CLYBL: variants seen among roughly 807,000 people sequenced by gnomAD.
The protein encoded by CLYBL is citramalyl-CoA lyase, mitochondrial.
Under a neutral mutation model 38.9 loss-of-function variants are expected in CLYBL, and 31 were observed. That is an observed-to-expected ratio of 0.80 (90% CI 0.60 to 1.08). The LOEUF (loss-of-function observed/expected upper bound fraction) is 1.08, where lower values mean the gene tolerates loss of function less well. Ranked by LOEUF, CLYBL falls within the 50% of genes least tolerant of loss-of-function variation. The probability of loss-of-function intolerance (pLI) is 0.00; values close to 1 mark genes in which losing one functional copy is unlikely to be tolerated. For synonymous variants in CLYBL, 171 were observed against 158.6 expected (o/e 1.08, Z -0.59); for missense variants, 434 against 411.6 (o/e 1.05, Z -0.47).
intron 1 of CLYBL, among the ~76,000 whole-genome samples, chr13:99,675,124 G>C (rs2047624677): frequency 6.6e-6 from 1 of 152,166 alleles, no homozygotes; most frequent in Non-Finnish European, 1.5e-5. Flanking sequence ...AGCAGATTTG[G>C]TAGAAGCATG....
chr13:99,817,632 GCAA>G (rs1330472714), intron 2 of CLYBL, among the ~76,000 whole-genome samples: 1 of 141,386 alleles, frequency 7.1e-6, no homozygotes, highest in African/African-American at 2.6e-5. Context: ...TCCAGCCTGG[GCAA>G]CAGAGCGAGA....
intron 7 of CLYBL, among the ~76,000 whole-genome samples, chr13:99,878,951 G>T (rs931927248): frequency 6.6e-6 from 1 of 152,120 alleles, no homozygotes; most frequent in Admixed American, 6.5e-5. Context: ...TGGTCTCTCG[G>T]ATCAGCGTTT....
In CLYBL at chr13:99,612,579, G is replaced by A. The variant is rs139075345; in HGVS notation, c.62+5822G>A. Among the ~76,000 whole-genome samples the A allele has an allele frequency of 5.6e-3, 844 of 151,694 alleles. 6 individuals carry two copies. The highest frequency in any genetic ancestry group is 0.019 in the African/African-American group (782 of 41,388). On this transcript the variant is annotated intron_variant, in intron 1 of 8. Coordinates refer to ENST00000339105, the MANE Select transcript of CLYBL (RefSeq NM_206808.5). ...ATTTTTGTATTTTTTGGAGAGACGG[G>A]GTTTCGCCATGTTGCCCAGGCTTGT...
intron 1 of CLYBL, among the ~76,000 whole-genome samples, chr13:99,746,481 A>G (rs1320565667): frequency 6.6e-6 from 1 of 151,926 alleles, no homozygotes; most frequent in African/African-American, 2.4e-5. Context: ...TGGCTATTTC[A>G]ATACATTAGC....
chr13:99,616,835 A>G (rs1167848321), intron 1 of CLYBL, among the ~76,000 whole-genome samples: 1 of 152,140 alleles, frequency 6.6e-6, no homozygotes, highest in African/African-American at 2.4e-5. Context: ...GCATGCCTGT[A>G]GTCCCAGCTA....
chr13:99,624,853 T>A (rs948448921), intron 1 of CLYBL, among the ~76,000 whole-genome samples: 2 of 152,134 alleles, frequency 1.3e-5, no homozygotes, highest in Non-Finnish European at 2.9e-5. Context: ...TTTAAGAAAA[T>A]CATGGTCTTC....
intron 1 of CLYBL, among the ~76,000 whole-genome samples, chr13:99,684,488 G>T (rs1430996181): frequency 6.6e-6 from 1 of 152,132 alleles, no homozygotes; most frequent in African/African-American, 2.4e-5. Flanking sequence ...AAATAGAAAA[G>T]CTGGATTCCG....
At chr13:99,791,505 C>T (rs1017953409) in intron 2 of CLYBL, among the ~76,000 whole-genome samples, 9 of 152,072 alleles carry the variant, frequency 5.9e-5, no homozygotes, top group Non-Finnish European at 1.0e-4. Context: ...ACTTTAGAGC[C>T]GTATTGCTTG....
At chr13:99,786,300 G>C (rs1051340975) in intron 2 of CLYBL, among the ~76,000 whole-genome samples, 4 of 149,968 alleles carry the variant, frequency 2.7e-5, no homozygotes, top group African/African-American at 9.8e-5. Flanking sequence ...TTGGTGTGCT[G>C]CACCCATTAA....
intron 1 of CLYBL, among the ~76,000 whole-genome samples, chr13:99,680,991 A>C (rs569923247): frequency 6.6e-6 from 1 of 152,254 alleles, no homozygotes; most frequent in Non-Finnish European, 1.5e-5. Context: ...TGTCCTATAA[A>C]TTAAAATTTT....
At chr13:99,720,197 G>A (rs1460448254) in intron 1 of CLYBL, among the ~76,000 whole-genome samples, 2 of 150,438 alleles carry the variant, frequency 1.3e-5, no homozygotes, top group African/African-American at 4.9e-5. Context: ...TTTTTCTTTT[G>A]GTGATTACAT....
chr13:99,666,739 G>A (rs1461886084), intron 1 of CLYBL, among the ~76,000 whole-genome samples: 1 of 152,152 alleles, frequency 6.6e-6, no homozygotes, highest in Non-Finnish European at 1.5e-5. Flanking sequence ...TGTAGCAGGT[G>A]TCAAAATATG....
intron 2 of CLYBL, among the ~76,000 whole-genome samples, chr13:99,856,086 T>C (rs1049331718): frequency 1.4e-4 from 21 of 152,222 alleles, no homozygotes; most frequent in Admixed American, 1.3e-3. Flanking sequence ...ATGCCTAAAA[T>C]TGGAAGTAGG....
intron 2 of CLYBL, among the ~76,000 whole-genome samples, chr13:99,803,548 C>A (rs1434742940): frequency 6.6e-6 from 1 of 152,226 alleles, no homozygotes; most frequent in Non-Finnish European, 1.5e-5. Flanking sequence ...GGATTTGATT[C>A]TTCTTAGCAG....
At chr13:99,875,383 T>G (rs2052011684) in intron 7 of CLYBL, among the ~76,000 whole-genome samples, 1 of 152,226 alleles carries the variant, frequency 6.6e-6, no homozygotes, top group Admixed American at 6.5e-5. Flanking sequence ...AGTCTCTTCA[T>G]CTAGAAACTT....
Position 99,776,409 on chromosome 13 carries a change from T to C in CLYBL, c.249+3399T>C, listed in dbSNP as rs186729216. Among the ~76,000 whole-genome samples, 556 of 150,672 alleles carry C rather than the reference T, an allele frequency of 3.7e-3. 3 individuals carry two copies. The highest frequency in any genetic ancestry group is 0.013 in the African/African-American group (529 of 41,032). On this transcript the variant is annotated intron_variant, in intron 2 of 8. Coordinates refer to ENST00000339105, the MANE Select transcript of CLYBL (RefSeq NM_206808.5). ...TACTCGGGAATCTGAGGCACGAGAATCACTTGAACCTGGGAGGCAGAGGTT... is the reference window on the plus strand; with the variant it reads ...TACTCGGGAATCTGAGGCACGAGAACCACTTGAACCTGGGAGGCAGAGGTT...
At chr13:99,612,666 A>G (rs1019500717) in intron 1 of CLYBL, among the ~76,000 whole-genome samples, 2 of 152,000 alleles carry the variant, frequency 1.3e-5, no homozygotes, top group Non-Finnish European at 2.9e-5. Flanking sequence ...GGGATTATGG[A>G]TGTGAGCCGC....
At chr13:99,716,396 T>TTTC (rs2048315176) in intron 1 of CLYBL, among the ~76,000 whole-genome samples, 1 of 123,262 alleles carries the variant, frequency 8.1e-6, no homozygotes, top group African/African-American at 3.5e-5. Context: ...TTTTCTTTTC[T>TTTC]TTTTTTTTTT....
intron 1 of CLYBL, among the ~76,000 whole-genome samples, chr13:99,769,897 G>A: frequency 6.6e-6 from 1 of 152,094 alleles, no homozygotes; most frequent in East Asian, 1.9e-4. Flanking sequence ...TAAGTCACAA[G>A]CACACTAATC....
Sources: gnomAD v4.1 joint callset for allele counts (sites outside exome capture counted in the v4.1 genomes callset) on GRCh38, gnomAD v4.1.1 for gene constraint, MANE v1.5 for transcripts, NCBI Gene and HGNC (gene_info 2026-07-23, HGNC 2026-07-21) for gene names.